The following LOC128706665 variants were observed in gnomAD, a reference collection of about 807,000 sequenced individuals.
chr20:10,425,633 C>T, the LOC128706665 span, among the ~76,000 whole-genome samples: 2 of 152,332 alleles, frequency 1.3e-5, no homozygotes, highest in East Asian at 3.9e-4. Context: ...TTCCAAGAGG[C>T]ATGGACTGTC....
At chr20:10,421,785 T>C in the LOC128706665 span, among the ~76,000 whole-genome samples, 1 of 151,406 alleles carries the variant, frequency 6.6e-6, no homozygotes, top group African/African-American at 2.4e-5. Flanking sequence ...AAAATATATA[T>C]ATATATATTT....
the LOC128706665 span, among the ~76,000 whole-genome samples, chr20:10,417,961 T>C: frequency 1.3e-5 from 2 of 152,206 alleles, no homozygotes; most frequent in East Asian, 1.9e-4. Context: ...AGAGATATTA[T>C]CTATCAAATG....
At chr20:10,421,794 T>A in the LOC128706665 span, among the ~76,000 whole-genome samples, 7 of 151,578 alleles carry the variant, frequency 4.6e-5, 1 homozygote, top group South Asian at 1.5e-3. Context: ...ATATATATAT[T>A]TTAAATTTGG....
At chr20:10,420,845 T>C in the LOC128706665 span, 46 of 152,230 alleles carry the variant, frequency 3.0e-4, no homozygotes, top group African/African-American at 1.1e-3. Context: ...ACAAGTAGCA[T>C]GCTGTACTCT....
the LOC128706665 span, among the ~76,000 whole-genome samples, chr20:10,423,629 A>G: frequency 1.4e-4 from 21 of 152,296 alleles, no homozygotes; most frequent in African/African-American, 4.8e-4. Flanking sequence ...AGAAGAGTGA[A>G]AATTATATAG....
the LOC128706665 span, among the ~76,000 whole-genome samples, chr20:10,429,882 T>C: frequency 6.6e-6 from 1 of 152,216 alleles, no homozygotes; most frequent in African/African-American, 2.4e-5. Flanking sequence ...CCTCCTGACC[T>C]ACTGAGTCAG....
At chr20:10,431,157 CAT>C in the LOC128706665 span, among the ~76,000 whole-genome samples, 2 of 152,064 alleles carry the variant, frequency 1.3e-5, no homozygotes, top group African/African-American at 4.8e-5. Flanking sequence ...TTATACGAAT[CAT>C]ATATAAAAAT....
chr20:10,422,993 G>A, the LOC128706665 span, among the ~76,000 whole-genome samples: 1 of 152,122 alleles, frequency 6.6e-6, no homozygotes, highest in Non-Finnish European at 1.5e-5. Context: ...TTACAGGTGT[G>A]AGCCACTGCG....
chr20:10,422,234 A>T, the LOC128706665 span, among the ~76,000 whole-genome samples: 1 of 152,174 alleles, frequency 6.6e-6, no homozygotes, highest in African/African-American at 2.4e-5. Context: ...GCAAAATTTT[A>T]ATTACTAGAT....
the LOC128706665 span, among the ~76,000 whole-genome samples, chr20:10,423,006 C>T: frequency 2.6e-5 from 4 of 152,194 alleles, no homozygotes; most frequent in East Asian, 1.9e-4. Flanking sequence ...CCACTGCGCC[C>T]GGCCCTTCAA....
the LOC128706665 span, among the ~76,000 whole-genome samples, chr20:10,423,782 T>C: frequency 6.6e-6 from 1 of 152,262 alleles, no homozygotes; most frequent in Non-Finnish European, 1.5e-5. Flanking sequence ...AATCTTTTTC[T>C]AGATTTAGGT....
At chr20:10,419,540 A>C in the LOC128706665 span, among the ~76,000 whole-genome samples, 78 of 152,344 alleles carry the variant, frequency 5.1e-4, no homozygotes, top group African/African-American at 1.8e-3. Context: ...GCCTGAAACT[A>C]CATATAGCAC....
the LOC128706665 span, among the ~76,000 whole-genome samples, chr20:10,430,899 G>A: frequency 1.3e-5 from 2 of 152,222 alleles, no homozygotes; most frequent in African/African-American, 4.8e-5. Flanking sequence ...CAGACACGCT[G>A]TTGGTCTGAA....
the LOC128706665 span, among the ~76,000 whole-genome samples, chr20:10,416,544 A>G: frequency 6.6e-6 from 1 of 152,206 alleles, no homozygotes; most frequent in Non-Finnish European, 1.5e-5. Flanking sequence ...ACAGGTTCAT[A>G]CTAACACCAA....
the LOC128706665 span, chr20:10,413,751 T>G: frequency 1.7e-6 from 1 of 594,434 alleles, no homozygotes; most frequent in Non-Finnish European, 3.0e-6. Flanking sequence ...TTCAATACTC[T>G]TTTGTTTGCT....
chr20:10,424,316 G>A, the LOC128706665 span, among the ~76,000 whole-genome samples: 2 of 152,064 alleles, frequency 1.3e-5, no homozygotes, highest in Admixed American at 6.5e-5. Flanking sequence ...AGCACTCTAG[G>A]AGGCTCAGGC....
the LOC128706665 span, among the ~76,000 whole-genome samples, chr20:10,432,781 C>T: frequency 0.11 from 9,509 of 88,186 alleles, 488 homozygotes; most frequent in Middle Eastern, 0.21. Context: ...CAGAGCGAGA[C>T]TCTTTGTCAA....
At chr20:10,417,325 C>T in the LOC128706665 span, among the ~76,000 whole-genome samples, 2 of 151,842 alleles carry the variant, frequency 1.3e-5, no homozygotes, top group Non-Finnish European at 2.9e-5. Flanking sequence ...ATCTTAGCAA[C>T]ACTGGCTAGA....
chr20:10,431,826 C>T, the LOC128706665 span: 1 of 152,210 alleles, frequency 6.6e-6, no homozygotes, highest in Non-Finnish European at 1.5e-5. Flanking sequence ...CCCCTTTGGT[C>T]CACAGAGGAT....
Sources: allele counts gnomAD v4.1 joint callset (sites outside exome capture counted in the v4.1 genomes callset), GRCh38; gene constraint gnomAD v4.1.1; transcripts MANE v1.5.